Variants in DSCAM observed in about 807,000 individuals in gnomAD.
DSCAM encodes the protein cell adhesion molecule DSCAM.
A neutral mutation model predicts 217.7 loss-of-function variants in DSCAM; 47 were observed. The observed-to-expected ratio is 0.22, with a 90% CI of 0.17 to 0.28. The LOEUF is 0.28. DSCAM is among the 10% of genes least tolerant of loss of function. The pLI is 1.00. For synonymous variants in DSCAM, 1,056 were observed against 1,015.3 expected, an observed-to-expected ratio of 1.04 and a Z score of -0.76; for missense variants, 2,080 against 2,618.3, an observed-to-expected ratio of 0.79 and a Z score of 4.49.
At chr21:40,128,069 G>T in intron 19 of DSCAM, among the ~76,000 whole-genome samples, 1 of 151,354 alleles carries the variant, frequency 6.6e-6, no homozygotes, top group Non-Finnish European at 1.5e-5. Context: ...GTCAGGTCAG[G>T]GCTCCCATGT....
intron 3 of DSCAM, among the ~76,000 whole-genome samples, chr21:40,419,426 A>T (rs375322121): frequency 1.3e-5 from 2 of 152,334 alleles, no homozygotes; most frequent in South Asian, 4.1e-4. Context: ...GGGGTAAAGA[A>T]AGTTTTCTAA....
chr21:40,017,028 A>C (rs750777733), intron 32 of DSCAM, among the ~76,000 whole-genome samples: 8 of 151,832 alleles, frequency 5.3e-5, no homozygotes, highest in Non-Finnish European at 8.8e-5. Context: ...AGGCAGGAGA[A>C]TCTTTTGAAC....
At chr21:40,216,752 C>T (rs529575158) in intron 11 of DSCAM, among the ~76,000 whole-genome samples, 27 of 152,324 alleles carry the variant, frequency 1.8e-4, no homozygotes, top group African/African-American at 5.8e-4. Flanking sequence ...GGCCAGGAGG[C>T]CCCTCCCGCA....
At chr21:40,322,436 C>T (rs1353767424) in intron 8 of DSCAM, among the ~76,000 whole-genome samples, 1 of 152,164 alleles carries the variant, frequency 6.6e-6, no homozygotes, top group Non-Finnish European at 1.5e-5. Flanking sequence ...CTATGAACTA[C>T]AACACAATAC....
chr21:40,375,089 C>G (rs922847895), intron 3 of DSCAM, among the ~76,000 whole-genome samples: 1 of 152,162 alleles, frequency 6.6e-6, no homozygotes, highest in Admixed American at 6.5e-5. Context: ...AAAAAAATAT[C>G]CTGAAGTTCT....
intron 3 of DSCAM, among the ~76,000 whole-genome samples, chr21:40,375,576 G>C (rs996222361): frequency 1.3e-5 from 2 of 152,318 alleles, no homozygotes; most frequent in African/African-American, 4.8e-5. Flanking sequence ...TTCATGATGA[G>C]AGACTTGGTT....
chr21:40,252,724 C>T (rs1373194678), intron 11 of DSCAM, among the ~76,000 whole-genome samples: 1 of 152,150 alleles, frequency 6.6e-6, no homozygotes, highest in African/African-American at 2.4e-5. Flanking sequence ...GATTGAGGAT[C>T]AAAGTATCAC....
chr21:40,568,592 C>G (rs547351669), intron 3 of DSCAM, among the ~76,000 whole-genome samples: 74 of 152,120 alleles, frequency 4.9e-4, no homozygotes, highest in African/African-American at 1.8e-3. Context: ...ATAAACTTGT[C>G]TCCATTTTTA....
chr21:40,477,286 A>G (rs1373490418), intron 3 of DSCAM, among the ~76,000 whole-genome samples: 1 of 152,208 alleles, frequency 6.6e-6, no homozygotes, highest in African/African-American at 2.4e-5. Flanking sequence ...AAATTGATCT[A>G]ACAAAAGATA....
At position 40,558,789 on chromosome 21, in the gene DSCAM, C is replaced by T. The variant is rs191971726; in HGVS notation, c.508+134021G>A. On this transcript the variant is annotated intron_variant, in intron 3 of 32. Coordinates refer to ENST00000400454, the MANE Select transcript of DSCAM (RefSeq NM_001389.5). ...GTTTTTGTCCCTTTTCACAAACCAT[C>T]CTCGTTATTTTTATCACCACTGGAA... 2.8e-4 allele frequency among the ~76,000 whole-genome samples: 43 copies of T among 152,298 alleles called. No individual in the cohort carries two copies. The East Asian group carries it at 7.9e-3, about 28-fold the overall frequency.
intron 3 of DSCAM, among the ~76,000 whole-genome samples, chr21:40,418,219 T>C (rs868207201): frequency 6.6e-6 from 1 of 152,194 alleles, no homozygotes; most frequent in East Asian, 1.9e-4. Flanking sequence ...GAGATTTCAA[T>C]GCTCAGATTC....
chr21:40,790,536 T>G (rs755141514), intron 1 of DSCAM, among the ~76,000 whole-genome samples: 36 of 152,218 alleles, frequency 2.4e-4, no homozygotes, highest in Non-Finnish European at 4.4e-4. Context: ...GCTTTGAGAA[T>G]TCACCATCCT....
chr21:40,678,958 A>C (rs11088526), intron 3 of DSCAM, among the ~76,000 whole-genome samples: 5 of 152,020 alleles, frequency 3.3e-5, no homozygotes, highest in Admixed American at 6.5e-5. Context: ...TCCAACAATA[A>C]AATCATTTCA....
At chr21:40,761,799 C>T (rs888306035) in intron 1 of DSCAM, among the ~76,000 whole-genome samples, 5 of 152,152 alleles carry the variant, frequency 3.3e-5, no homozygotes, top group Admixed American at 2.0e-4. Flanking sequence ...TTTCTCTAAA[C>T]ATGTAGAGCA....
chr21:40,145,203 G>A (rs1413463116), intron 16 of DSCAM, among the ~76,000 whole-genome samples: 1 of 152,172 alleles, frequency 6.6e-6, no homozygotes, highest in African/African-American at 2.4e-5. Context: ...GCTCGCTGCT[G>A]TGTGCCAGGC....
chr21:40,067,742 TTCCCTCCCTCCC>T lies in DSCAM; in HGVS notation c.4889-4855_4889-4844del, dbSNP rs763376801. ...TCCCCTCATTCCCTCCCTCCCCTCA[TTCCCTCCCTCCC>T]TCCCTCCCTCCCTCCCTCCCTTCCT... On this transcript the variant is annotated intron_variant, in intron 27 of 32. Transcript: ENST00000400454. 9.0e-3 allele frequency among the ~76,000 whole-genome samples: 360 copies of T among 39,852 alleles called. 2 individuals are homozygous for T. Among genetic ancestry groups the T allele is most frequent in the African/African-American group, 0.036 (276 of 7,668 alleles). 26.1% of individuals were successfully genotyped at this position (39,852 alleles called of 152,430 possible).
rs557827901 is a variant in DSCAM at position 40,236,465 on chromosome 21, G to A, written c.2356+39632C>T. 2.0e-4 allele frequency among the ~76,000 whole-genome samples: 30 copies of A among 152,172 alleles called. No homozygotes were observed. The South Asian group carries it at 6.0e-3, about 31-fold the overall frequency. On this transcript the variant is annotated intron_variant, in intron 11 of 32. Coordinates refer to ENST00000400454, the MANE Select transcript of DSCAM (RefSeq NM_001389.5). The stretch of plus-strand genomic sequence containing the variant: ...TCTGTACAGAACTTCCAGTTCTGTA[G>A]GGTGTTACTTCCAGGGTACAAATAC...
At chr21:40,781,175 A>AT (rs1052520832) in intron 1 of DSCAM, among the ~76,000 whole-genome samples, 4 of 151,824 alleles carry the variant, frequency 2.6e-5, no homozygotes, top group Non-Finnish European at 5.9e-5. Context: ...TGCCCGGGTA[A>AT]TTTTTTAACA....
rs200532632 is a variant in DSCAM, at chr21:40,078,729, C to T, written c.4669G>A (p.Ala1557Thr). 239 of 1,614,226 alleles carry T rather than the reference C, an allele frequency of 1.5e-4. 1 individual carries two copies. The highest frequency in any genetic ancestry group is 4.3e-4 in the Admixed American group (26 of 60,030). Residue 1557 changes from alanine (A) to threonine (T), a missense_variant, in exon 26 of 33, where the codon GCG becomes ACG. Transcript: ENST00000400454. The stretch of plus-strand genomic sequence containing the variant: ...GTAGCGAAGTTGGCCTGCTTCTCCG[C>T]GCAGCCCGCACTGTTGCACACCCGC... ...QMRVCNSAGC[A>T]EKQANFATLN...
Sources: gnomAD v4.1 joint callset for allele counts (sites outside exome capture counted in the v4.1 genomes callset) on GRCh38, gnomAD v4.1.1 for gene constraint, MANE v1.5 for transcripts, NCBI Gene and HGNC (gene_info 2026-07-23, HGNC 2026-07-21) for gene names.